Variants in STAU2 observed in about 807,000 individuals in gnomAD.
The protein encoded by STAU2 is staufen double-stranded RNA binding protein 2, also known as double-stranded RNA-binding protein Staufen homolog 2.
A neutral mutation model predicts 65.9 loss-of-function variants in STAU2; 20 were observed. The observed-to-expected ratio is 0.30, with a 90% confidence interval of 0.21 to 0.44. The LOEUF is 0.44. STAU2 is among the 20% of genes least tolerant of loss of function. The probability of loss-of-function intolerance (pLI) is 1.00; values close to 1 mark genes in which losing one functional copy is unlikely to be tolerated. For synonymous variants in STAU2, 232 were observed against 233.9 expected (o/e 0.99, Z 0.07); for missense variants, 558 against 683.9 (o/e 0.82, Z 2.05).
chr8:73,617,485 T>C (rs766714979), intron 6 of STAU2, 34 bp from the exon 7 acceptor site: 23 of 1,582,044 alleles, frequency 1.5e-5, no homozygotes, highest in Non-Finnish European at 2.0e-5. Context: ...TAAAGTTAGC[T>C]TAATAAAACC....
intron 12 of STAU2, among the ~76,000 whole-genome samples, chr8:73,572,169 G>A (rs1375954309): frequency 6.6e-6 from 1 of 152,054 alleles, no homozygotes; most frequent in African/African-American, 2.4e-5. Context: ...ATAGATTTCT[G>A]GACACATACA....
intron 9 of STAU2, among the ~76,000 whole-genome samples, chr8:73,607,196 GA>G (rs1453755025): frequency 2.6e-5 from 4 of 152,154 alleles, no homozygotes; most frequent in African/African-American, 9.6e-5. Flanking sequence ...AATAACTTTA[GA>G]AAAACAAACA....
rs560854202 is a variant in STAU2, at chr8:73,725,211, CTTTT to C, written c.-18+13069_-18+13072del. 1.9e-3 allele frequency among the ~76,000 whole-genome samples: 290 copies of C among 152,082 alleles called. 2 individuals carry two copies. The highest frequency in any genetic ancestry group is 6.6e-3 in the African/African-American group (275 of 41,482). ...TCTACTGTTTTGTTATGTTTTTGTC[CTTTT>C]ATTTGTTCCTTTCTTCAACTTTATC... On this transcript the variant is annotated intron_variant, in intron 3 of 14. Coordinates refer to ENST00000524300, the MANE Select transcript of STAU2 (RefSeq NM_001164380.2).
At chr8:73,682,782 T>G (rs1022951606) in intron 5 of STAU2, among the ~76,000 whole-genome samples, 1 of 152,012 alleles carries the variant, frequency 6.6e-6, no homozygotes, top group South Asian at 2.1e-4. Flanking sequence ...AAACAGGAGA[T>G]ATAACAACTG....
At position 73,746,166 on chromosome 8, in the gene STAU2, C is replaced by A. The variant is rs1807259454; in HGVS notation, c.-197+617G>T. Among the ~76,000 whole-genome samples, 3 of 152,160 alleles carry A rather than the reference C, an allele frequency of 2.0e-5. No individual in the cohort carries two copies. The South Asian group carries it at 6.2e-4, about 32-fold the overall frequency. On this transcript the variant is annotated intron_variant, in intron 1 of 14. Transcript: ENST00000524300. ...GTCCCCTCGGCCCCACCTACCCTCC[C>A]CATTTCGGCAAGTTACGTCTTTACC...
chr8:73,454,415 T>A (rs966003210), intron 13 of STAU2, among the ~76,000 whole-genome samples: 12 of 152,352 alleles, frequency 7.9e-5, no homozygotes, highest in South Asian at 2.1e-4. Flanking sequence ...TACCTTCAAC[T>A]CACATAGTTA....
In STAU2 at chr8:73,421,356, C is replaced by T. The variant is rs1816357329; in HGVS notation, c.*16G>A. 4 of 1,537,038 alleles carry T rather than the reference C, an allele frequency of 2.6e-6. No individual in the cohort carries two copies. The highest frequency in any genetic ancestry group is 1.7e-6 in the Non-Finnish European group (2 of 1,146,754). ...GTTTATAAGGATGCGGTGGCAGCCG[C>T]GGGTTCTGGGAGCTGCTAGACGGCC... On this transcript the variant is annotated 3_prime_UTR_variant, in exon 15 of 15. Transcript: ENST00000524300.
At chr8:73,468,216 T>C (rs1235289741) in intron 13 of STAU2, among the ~76,000 whole-genome samples, 6 of 152,234 alleles carry the variant, frequency 3.9e-5, no homozygotes, top group African/African-American at 1.4e-4. Context: ...AAGGATTCCC[T>C]ATTCAACAAA....
chr8:73,522,450 G>A (rs1349402212), intron 13 of STAU2, among the ~76,000 whole-genome samples: 2 of 152,062 alleles, frequency 1.3e-5, no homozygotes, highest in Non-Finnish European at 1.5e-5. Context: ...GAAGAATATT[G>A]AGCAAAACCC....
intron 6 of STAU2, among the ~76,000 whole-genome samples, chr8:73,662,285 T>C (rs1816885829): frequency 6.6e-6 from 1 of 152,260 alleles, no homozygotes; most frequent in Non-Finnish European, 1.5e-5. Context: ...TTCAAATATA[T>C]GTATTACGAA....
At chr8:73,658,732 G>A (rs773122976) in intron 6 of STAU2, among the ~76,000 whole-genome samples, 9 of 151,932 alleles carry the variant, frequency 5.9e-5, no homozygotes, top group Non-Finnish European at 1.2e-4. Context: ...GGCCAACATG[G>A]TGAAACCCCG....
intron 2 of STAU2, 132 bp downstream of exon 2, chr8:73,739,624 C>A (rs1049691156): frequency 2.7e-6 from 2 of 739,228 alleles, no homozygotes; most frequent in Admixed American, 3.8e-5. Context: ...CAATAGTGTC[C>A]TCAGCATCTG....
chr8:73,698,095 A>G (rs978929889), intron 4 of STAU2, among the ~76,000 whole-genome samples: 6 of 152,084 alleles, frequency 3.9e-5, no homozygotes, highest in Non-Finnish European at 8.8e-5. Context: ...AAAGAAAATT[A>G]ATTTAAAAAA....
At chr8:73,747,322 T>G, upstream of STAU2, 1 of 1,515,902 alleles carries the variant, frequency 6.6e-7, no homozygotes, top group Non-Finnish European at 8.8e-7. Flanking sequence ...GCAACTTCCT[T>G]CCCCGCCCGA....
chr8:73,542,901 C>T (rs1343278390), intron 13 of STAU2, among the ~76,000 whole-genome samples: 4 of 152,108 alleles, frequency 2.6e-5, no homozygotes, highest in Non-Finnish European at 4.4e-5. Flanking sequence ...TGTACACTTA[C>T]CATGTGATCC....
intron 6 of STAU2, among the ~76,000 whole-genome samples, chr8:73,618,848 G>C (rs1813025590): frequency 6.6e-6 from 1 of 152,218 alleles, no homozygotes; most frequent in Non-Finnish European, 1.5e-5. Context: ...CCAAAGACTG[G>C]CTATGGAATA....
At chr8:73,739,517 C>T (rs1010945034) in intron 2 of STAU2, among the ~76,000 whole-genome samples, 1 of 152,144 alleles carries the variant, frequency 6.6e-6, no homozygotes, top group Non-Finnish European at 1.5e-5. Context: ...TACACACATA[C>T]ATACACAAAC....
intron 4 of STAU2, among the ~76,000 whole-genome samples, chr8:73,697,777 G>A (rs1398739008): frequency 2.0e-5 from 3 of 152,130 alleles, no homozygotes; most frequent in Non-Finnish European, 4.4e-5. Flanking sequence ...TTAAAATAAT[G>A]CGTTATAAGT....
intron 3 of STAU2, among the ~76,000 whole-genome samples, chr8:73,723,765 T>C (rs554079021): frequency 8.5e-5 from 13 of 152,320 alleles, no homozygotes; most frequent in African/African-American, 3.1e-4. Flanking sequence ...TGGAATACAG[T>C]TATAATGTTT....
Sources: allele counts gnomAD v4.1 joint callset (sites outside exome capture counted in the v4.1 genomes callset), GRCh38; gene constraint gnomAD v4.1.1; transcripts MANE v1.5; gene names NCBI Gene and HGNC (gene_info 2026-07-23, HGNC 2026-07-21).